The following HS3ST1 variants were observed in gnomAD, a reference collection of about 807,000 sequenced individuals.
HS3ST1 encodes heparan sulfate-glucosamine 3-sulfotransferase 1, also known as heparan sulfate glucosamine 3-O-sulfotransferase 1.
A neutral mutation model predicts 20.7 loss-of-function variants in HS3ST1; 8 were observed. The ratio of observed to expected loss-of-function variants is 0.39; its 90% CI spans 0.23 to 0.70. HS3ST1 has a LOEUF of 0.70. Among genes scored for constraint, HS3ST1 ranks in the 30% least tolerant of loss-of-function variants. The probability of loss-of-function intolerance (pLI) is 0.46; values close to 1 mark genes in which losing one functional copy is unlikely to be tolerated. For missense variants in HS3ST1, 436 were observed against 423.4 expected, an observed-to-expected ratio of 1.03 and a Z score of -0.26; for synonymous variants, 205 against 190.4, an observed-to-expected ratio of 1.08 and a Z score of -0.63.
At chr4:11,411,044 A>C (rs1473383269) in intron 1 of HS3ST1, among the ~76,000 whole-genome samples, 1 of 152,178 alleles carries the variant, frequency 6.6e-6, no homozygotes, top group Non-Finnish European at 1.5e-5. Context: ...GTAACTTGGA[A>C]ACTTTTGTTC....
chr4:11,427,418 C>T (rs1031693161), intron 1 of HS3ST1, among the ~76,000 whole-genome samples: 3 of 152,226 alleles, frequency 2.0e-5, no homozygotes, highest in African/African-American at 7.2e-5. Flanking sequence ...TTCTCGGCCA[C>T]CCTCCCCGCC....
In HS3ST1 at chr4:11,395,575, T is replaced by A. The variant is rs1718114259; in HGVS notation, c.*3507A>T. The A allele has an allele frequency of 6.7e-6, 1 of 149,538 alleles. No homozygotes were observed. The highest frequency in any genetic ancestry group is 1.5e-5 in the Non-Finnish European group (1 of 67,764). 9.3% of individuals were successfully genotyped at this position (149,538 alleles called of 1,614,324 possible). A position where few individuals can be genotyped will look rare whatever the true frequency, so the allele number is the denominator to read the frequency against. On this transcript the variant is annotated 3_prime_UTR_variant, in exon 2 of 2. Transcript: ENST00000002596. Reference sequence around the variant, plus strand: ...CCCCTGCAACCTCCACCTGCCAGGTTCAAGTGGTTCTCTTGCCTCAGTGTC... The same window carrying A: ...CCCCTGCAACCTCCACCTGCCAGGTACAAGTGGTTCTCTTGCCTCAGTGTC...
At chr4:11,400,736 G>A (rs1718300528) in intron 1 of HS3ST1, among the ~76,000 whole-genome samples, 1 of 152,228 alleles carries the variant, frequency 6.6e-6, no homozygotes, top group African/African-American at 2.4e-5. Flanking sequence ...GAATTAGTAT[G>A]AAAGATTGCA....
chr4:11,422,450 G>T (rs375933540), intron 1 of HS3ST1, among the ~76,000 whole-genome samples: 2 of 152,120 alleles, frequency 1.3e-5, no homozygotes, highest in Non-Finnish European at 2.9e-5. Flanking sequence ...AAACATACTT[G>T]CTACCTAATT....
upstream of HS3ST1, among the ~76,000 whole-genome samples, chr4:11,430,190 C>A (rs559855813): frequency 2.0e-5 from 3 of 152,058 alleles, no homozygotes; most frequent in Non-Finnish European, 2.9e-5. Context: ...GCCAGAAGCA[C>A]CCTGAAAGCT....
chr4:11,430,459 TA>T (rs1452095563), upstream of HS3ST1, among the ~76,000 whole-genome samples: 3 of 152,184 alleles, frequency 2.0e-5, no homozygotes, highest in African/African-American at 2.4e-5. Flanking sequence ...AAGTCTAAGA[TA>T]AAGTTCTGCC....
chr4:11,412,252 A>G (rs948414523), intron 1 of HS3ST1, among the ~76,000 whole-genome samples: 1 of 152,152 alleles, frequency 6.6e-6, no homozygotes, highest in Non-Finnish European at 1.5e-5. Flanking sequence ...CTTGACTTCC[A>G]TGTGATGGTC....
chr4:11,405,508 C>T (rs1307924782), intron 1 of HS3ST1, among the ~76,000 whole-genome samples: 1 of 152,128 alleles, frequency 6.6e-6, no homozygotes, highest in Non-Finnish European at 1.5e-5. Flanking sequence ...ACTCTGTCCC[C>T]TCGGGCCTGG....
chr4:11,411,061 G>A lies in HS3ST1; in HGVS notation c.-108-10948C>T, dbSNP rs192862899. On this transcript the variant is annotated intron_variant, in intron 1 of 1. Transcript: ENST00000002596. ...AACTTGGAAACTTTTGTTCAGCTTT[G>A]GCCCAGGAACTTTTTACTATCTTTC... is the stretch of plus-strand genomic sequence containing the variant. Among the ~76,000 whole-genome samples, 14 of 152,202 alleles carry A rather than the reference G, an allele frequency of 9.2e-5. No individual in the cohort carries two copies. In the East Asian group the frequency reaches 2.5e-3, roughly 27 times the overall value.
chr4:11,415,870 A>C (rs566760908), intron 1 of HS3ST1, among the ~76,000 whole-genome samples: 1 of 152,218 alleles, frequency 6.6e-6, no homozygotes, highest in Non-Finnish European at 1.5e-5. Context: ...CCACTGGTCT[A>C]TGTCACCAAA....
intron 1 of HS3ST1, among the ~76,000 whole-genome samples, chr4:11,403,124 ATATC>A (rs909372938): frequency 1.3e-5 from 2 of 152,224 alleles, no homozygotes; most frequent in African/African-American, 4.8e-5. Context: ...TATAGCATAT[ATATC>A]ATGTGTATAC....
chr4:11,427,412 C>G (rs1488080442), intron 1 of HS3ST1, among the ~76,000 whole-genome samples: 1 of 151,924 alleles, frequency 6.6e-6, no homozygotes, highest in Admixed American at 6.5e-5. Flanking sequence ...CTTCCGTTCT[C>G]GGCCACCCTC....
At chr4:11,420,620 A>C (rs1718909193) in intron 1 of HS3ST1, among the ~76,000 whole-genome samples, 2 of 152,328 alleles carry the variant, frequency 1.3e-5, no homozygotes, top group South Asian at 4.1e-4. Context: ...ACAGGGTTGA[A>C]ATACCTTCTT....
intron 1 of HS3ST1, among the ~76,000 whole-genome samples, chr4:11,425,629 T>G (rs994145111): frequency 3.9e-5 from 6 of 152,224 alleles, no homozygotes; most frequent in Non-Finnish European, 7.3e-5. Flanking sequence ...ATATGCAAAC[T>G]ATGATTAAAA....
chr4:11,412,093 G>A (rs537487859), intron 1 of HS3ST1, among the ~76,000 whole-genome samples: 17 of 152,306 alleles, frequency 1.1e-4, no homozygotes, highest in Admixed American at 3.9e-4. Flanking sequence ...TATCCCAATA[G>A]CTGATAAAGC....
At chr4:11,431,370 T>C (rs1328982335), upstream of HS3ST1, among the ~76,000 whole-genome samples, 7 of 151,960 alleles carry the variant, frequency 4.6e-5, no homozygotes, top group African/African-American at 1.2e-4. Flanking sequence ...ACTGCAAAAG[T>C]GTCTGTCAGT....
intron 1 of HS3ST1, among the ~76,000 whole-genome samples, chr4:11,410,410 T>C (rs1329001904): frequency 6.6e-6 from 1 of 152,102 alleles, no homozygotes; most frequent in Admixed American, 6.5e-5. Flanking sequence ...TGGCCATTGC[T>C]CAGAAGGAAG....
intron 1 of HS3ST1, among the ~76,000 whole-genome samples, chr4:11,409,638 A>T (rs1204588430): frequency 6.6e-6 from 1 of 152,258 alleles, no homozygotes; most frequent in Non-Finnish European, 1.5e-5. Flanking sequence ...GAGCTGTGAG[A>T]AATAAATATC....
upstream of HS3ST1, among the ~76,000 whole-genome samples, chr4:11,431,232 T>TA (rs77643058): frequency 0.043 from 5,984 of 137,832 alleles, 291 homozygotes; most frequent in African/African-American, 0.13. Context: ...ACTATGCTCT[T>TA]AAAAAAAAAA....
Sources: gnomAD v4.1 joint callset for allele counts (sites outside exome capture counted in the v4.1 genomes callset) on GRCh38, gnomAD v4.1.1 for gene constraint, MANE v1.5 for transcripts, NCBI Gene and HGNC (gene_info 2026-07-23, HGNC 2026-07-21) for gene names.